DYNC1H1: variants seen among roughly 807,000 people sequenced by gnomAD.
DYNC1H1 encodes dynein cytoplasmic 1 heavy chain 1.
DYNC1H1 carries 51 observed loss-of-function variants against 527.1 expected under a neutral mutation model. The ratio of observed to expected loss-of-function variants is 0.10; its 90% CI spans 0.08 to 0.12. DYNC1H1 has a LOEUF of 0.12. Among genes scored for constraint, DYNC1H1 ranks in the 10% least tolerant of loss-of-function variants. DYNC1H1 has a pLI of 1.00. For missense variants in DYNC1H1, 2,771 were observed against 5,971.8 expected (o/e 0.46, Z 17.66); for synonymous variants, 2,189 against 2,278.8 (o/e 0.96, Z 1.12).
rs917082431 is a variant in DYNC1H1 at position 101,964,605 on chromosome 14, C to T, written c.-87C>T. On this transcript the variant is annotated 5_prime_UTR_variant, in exon 1 of 78. Coordinates refer to ENST00000360184, the MANE Select transcript of DYNC1H1 (RefSeq NM_001376.5). This position sits in a 1 kb window ranked among gnomAD's most constrained non-coding sequence, Gnocchi z 5.5. ...GGTGGGCTAGCGGACGGTCCGGCTT[C>T]CGGCGGCCGTTTCTGTCTCTTGCTG... The T allele has an allele frequency of 5.2e-5, 80 of 1,530,370 alleles. No homozygotes were observed. Among genetic ancestry groups the T allele is most frequent in the Middle Eastern group, 2.1e-4 (1 of 4,706 alleles). 94.8% of individuals were successfully genotyped at this position (1,530,370 alleles called of 1,614,324 possible).
At chr14:101,988,277 C>G (rs2047958352) in intron 9 of DYNC1H1, among the ~76,000 whole-genome samples, 1 of 152,168 alleles carries the variant, frequency 6.6e-6, no homozygotes, top group African/African-American at 2.4e-5. Flanking sequence ...ATGACCCTGC[C>G]ACTCCCCAAC....
At chr14:101,996,845 A>G (rs1407577892) in intron 15 of DYNC1H1, among the ~76,000 whole-genome samples, 190 bp from the exon 16 acceptor site, 1 of 151,378 alleles carries the variant, frequency 6.6e-6, no homozygotes, top group Non-Finnish European at 1.5e-5. Context: ...CTGGTCTTAA[A>G]CTCCTGGACT....
Position 101,983,680 on chromosome 14 carries a change from TTTGTTG to T in DYNC1H1, c.1461+81_1461+86del, listed in dbSNP as rs920712889. 1.3e-6 allele frequency: 2 copies of T among 1,517,154 alleles called. No homozygotes were observed. Among genetic ancestry groups the T allele is most frequent in the Non-Finnish European group, 1.8e-6 (2 of 1,118,710 alleles). The allele number at this position is 1,517,154 out of a possible 1,614,324, so 94.0% of individuals were successfully genotyped here. On this transcript the variant is annotated intron_variant, in intron 7 of 77. Coordinates refer to ENST00000360184, the MANE Select transcript of DYNC1H1 (RefSeq NM_001376.5). This position sits in a 1 kb window ranked among gnomAD's most constrained non-coding sequence, Gnocchi z 5.3. ...TTTGTTTTTTGTTTGGTGTTTTTTT[TTTGTTG>T]TTGTTGTTGAGATGAAGTTTCACTC...
intron 10 of DYNC1H1, among the ~76,000 whole-genome samples, chr14:101,990,628 A>G (rs1391819221): frequency 2.0e-5 from 3 of 152,208 alleles, no homozygotes; most frequent in Non-Finnish European, 1.5e-5. Context: ...TAATCCCAGC[A>G]CTTTGGGAGG....
rs573107732 is a variant in DYNC1H1, at chr14:101,974,705, A to G, written c.257-1007A>G. On this transcript the variant is annotated intron_variant, in intron 1 of 77. Transcript: ENST00000360184. The stretch of plus-strand genomic sequence containing the variant: ...GTAAGCTTTTTTAAACTTAAATTTT[A>G]TTATTAAAAAATTGAGACATGGTTT... Among the ~76,000 whole-genome samples, 7 of 152,228 alleles carry G rather than the reference A, an allele frequency of 4.6e-5. No homozygotes were observed. The South Asian group carries it at 6.2e-4, about 14-fold the overall frequency.
In DYNC1H1 at chr14:102,052,511, G is replaced by T. The variant is rs17513025; in HGVS notation, c.*1948G>T. 910 of 152,404 alleles carry T rather than the reference G, an allele frequency of 6.0e-3. 11 individuals are homozygous for T. Among genetic ancestry groups the T allele is most frequent in the African/African-American group, 0.021 (865 of 41,560 alleles). 9.4% of individuals were successfully genotyped at this position (152,404 alleles called of 1,614,324 possible). A position where few individuals can be genotyped will look rare whatever the true frequency, so the allele number is the denominator to read the frequency against. ...CCTCTTGGGCTGGGACCCCTTCCTGGACTGAGTCTGCTCACCTTGGATTAG... is the reference window on the plus strand; with the variant it reads ...CCTCTTGGGCTGGGACCCCTTCCTGTACTGAGTCTGCTCACCTTGGATTAG... On this transcript the variant is annotated 3_prime_UTR_variant, in exon 78 of 78. Transcript: ENST00000360184.
rs563050462 is a variant in DYNC1H1 at position 101,986,254 on chromosome 14, G to A, written c.2029G>A (p.Val677Met). 51 of 1,614,054 alleles carry A rather than the reference G, an allele frequency of 3.2e-5. No homozygotes were observed. The highest frequency in any genetic ancestry group is 2.9e-4 in the South Asian group (26 of 91,056). The change falls in exon 8 of 78, where the codon GTG becomes ATG. Residue 677 changes from valine (V) to methionine (M), a missense_variant. Around this residue, in one of 32 missense-constraint regions of DYNC1H1, gnomAD observed 264 missense variants for 619.4 expected, o/e 0.43. Coordinates refer to ENST00000360184, the MANE Select transcript of DYNC1H1 (RefSeq NM_001376.5). The surrounding 1 kb of genome is among the most constrained non-coding windows in gnomAD (Gnocchi z 8.7). ...CCTTGGCAAGGGCTGGGAGAATCAC[G>A]TGGAGGGGCAGAAGCTGAAGCAGGA... ...DVLGKGWENH[V>M]EGQKLKQDGD...
Position 102,020,401 on chromosome 14 carries a change from CAGGT to C in DYNC1H1, c.8507+346_8507+349del, listed in dbSNP as rs1274144338. Among the ~76,000 whole-genome samples, 1 of 152,088 alleles carries C rather than the reference CAGGT, an allele frequency of 6.6e-6. No homozygotes were observed. Among genetic ancestry groups the C allele is most frequent in the Non-Finnish European group, 1.5e-5 (1 of 68,024 alleles). ...CACTTTAATAAACCTTTTAAACTGTCAGGTGGGACCACAAAAGGTAGCAGCTGCC... is the reference window on the plus strand; with the variant it reads ...CACTTTAATAAACCTTTTAAACTGTCGGGACCACAAAAGGTAGCAGCTGCC... On this transcript the variant is annotated intron_variant, in intron 42 of 77. Transcript: ENST00000360184. This position sits in a 1 kb window ranked among gnomAD's most constrained non-coding sequence, Gnocchi z 4.3.
chr14:102,019,940 T>C lies in DYNC1H1; in HGVS notation c.8391T>C (p.Arg2797=), dbSNP rs2152584604. The C allele has an allele frequency of 6.2e-7, 1 of 1,614,140 alleles. No homozygotes were observed. Among genetic ancestry groups the C allele is most frequent in the Middle Eastern group, 1.6e-4 (1 of 6,062 alleles). ...DTQPHYIYSP[R]EMTRWVRGIF... ...AACCTCACTATATCTATTCACCCCG[T>C]GAAATGACTAGGTGGGTGAGAGGCA... Residue 2797 remains arginine (R), a synonymous_variant, in exon 42 of 78, where the codon CGT becomes CGC. Transcript: ENST00000360184.
rs113681629 is a variant in DYNC1H1, at chr14:102,050,925, C to T, written c.*362C>T. 5.9e-5 allele frequency: 21 copies of T among 357,604 alleles called. No homozygotes were observed. Among genetic ancestry groups the T allele is most frequent in the African/African-American group, 2.5e-4 (12 of 47,122 alleles). 22.2% of individuals were successfully genotyped at this position (357,604 alleles called of 1,614,324 possible). On this transcript the variant is annotated 3_prime_UTR_variant, in exon 78 of 78. Coordinates refer to ENST00000360184, the MANE Select transcript of DYNC1H1 (RefSeq NM_001376.5). The stretch of plus-strand genomic sequence containing the variant: ...CTTTCATCATGAGCTCGCTCCCGAG[C>T]GGCCACAGCACTCATGAATGAAGAC...
Position 102,023,965 on chromosome 14 carries a change from G to A in DYNC1H1, c.8637+1085G>A, listed in dbSNP as rs942138028. 3.9e-5 allele frequency among the ~76,000 whole-genome samples: 6 copies of A among 152,150 alleles called. No individual in the cohort carries two copies. In the South Asian group the frequency reaches 6.2e-4, roughly 16 times the overall value. On this transcript the variant is annotated intron_variant, in intron 43 of 77. Transcript: ENST00000360184. ...TAAAATGCACTATAAAATAGGCTGC[G>A]GTTACAGCAGTGATGTGCTACGGGT...
chr14:102,001,465 T>C lies in DYNC1H1; in HGVS notation c.4396-70T>C, dbSNP rs1595609149. On this transcript the variant is annotated intron_variant, in intron 20 of 77. Coordinates refer to ENST00000360184, the MANE Select transcript of DYNC1H1 (RefSeq NM_001376.5). This position sits in a 1 kb window ranked among gnomAD's most constrained non-coding sequence, Gnocchi z 5.0. ...TCTGTGGTCCTTTTGGTTCTTATAA[T>C]GCTGGGTCCCTTGTGCAGGTAGTGA... 1.9e-6 allele frequency: 3 copies of C among 1,613,720 alleles called. No individual in the cohort carries two copies. The highest frequency in any genetic ancestry group is 1.7e-5 in the Admixed American group (1 of 60,030).
chr14:101,990,662 C>T (rs1020562601), intron 10 of DYNC1H1, among the ~76,000 whole-genome samples: 2 of 151,984 alleles, frequency 1.3e-5, no homozygotes, highest in African/African-American at 4.8e-5. Context: ...ATCGCTTGAG[C>T]TCTGAAGTTT....
chr14:102,016,799 G>A lies in DYNC1H1; in HGVS notation c.7648G>A (p.Ala2550Thr). 1 of 1,613,874 alleles carries A rather than the reference G, an allele frequency of 6.2e-7. No homozygotes were observed. Among genetic ancestry groups the A allele is most frequent in the Non-Finnish European group, 8.5e-7 (1 of 1,180,006 alleles). ...CAGCGGAGAATGGTCTCCGTGGCAG[G>A]CCAAGGTGCCTCAGATTGAAGTGGA... ...SISGEWSPWQ[A>T]KVPQIEVETH... Residue 2550 changes from alanine to threonine, a missense_variant, in exon 38 of 78, where the codon GCC becomes ACC. Physicochemically the swap from Ala to Thr is moderately conservative, Grantham distance 58. This residue lies in a region of DYNC1H1 where 71 missense variants were observed against 143.6 expected (regional missense o/e 0.49). Transcript: ENST00000360184. The surrounding 1 kb of genome is among the most constrained non-coding windows in gnomAD (Gnocchi z 7.3).
At chr14:101,991,778 T>C in intron 11 of DYNC1H1, 105 bp downstream of exon 11, 1 of 1,514,942 alleles carries the variant, frequency 6.6e-7, no homozygotes, top group Non-Finnish European at 9.1e-7. Context: ...TTGATGTTGT[T>C]TACAAACTCC....
chr14:102,038,181 G>A lies in DYNC1H1; in HGVS notation c.10909-279G>A, dbSNP rs2048599872. 1 of 449,972 alleles carries A rather than the reference G, an allele frequency of 2.2e-6. No homozygotes were observed. The highest frequency in any genetic ancestry group is 4.1e-6 in the Non-Finnish European group (1 of 241,514). The allele number at this position is 449,972 out of a possible 1,614,324, so 27.9% of individuals were successfully genotyped here. On this transcript the variant is annotated intron_variant, in intron 57 of 77. Transcript: ENST00000360184. This position sits in a 1 kb window ranked among gnomAD's most constrained non-coding sequence, Gnocchi z 7.2. ...TTTAGTAGAGATGGAGTTTCACCAT[G>A]TTGGCCAGTCTGGTCTCGAACTCCT...
At chr14:101,977,756 G>A (rs1378430381) in intron 2 of DYNC1H1, among the ~76,000 whole-genome samples, 1 of 152,182 alleles carries the variant, frequency 6.6e-6, no homozygotes, top group Admixed American at 6.5e-5. Flanking sequence ...TAGCTTCATG[G>A]AACTGTTGGG....
intron 73 of DYNC1H1, 147 bp from the exon 74 acceptor site, chr14:102,048,369 A>G (rs2048756338): frequency 8.8e-7 from 1 of 1,139,116 alleles, no homozygotes; most frequent in Non-Finnish European, 1.3e-6. Flanking sequence ...GCTCGGTTCC[A>G]AGTCACGCTC....
At position 101,965,135 on chromosome 14, in the gene DYNC1H1, C is replaced by G. The variant is rs1013636555; in HGVS notation, c.256+188C>G. On this transcript the variant is annotated intron_variant, in intron 1 of 77. Coordinates refer to ENST00000360184, the MANE Select transcript of DYNC1H1 (RefSeq NM_001376.5). This position sits in a 1 kb window ranked among gnomAD's most constrained non-coding sequence, Gnocchi z 4.1. ...CGGGTCCCCAGGGCCGCAGACGCCC[C>G]GCAGAGGCCGGCGCGGCGCCCGGGG... Among the ~76,000 whole-genome samples, 4 of 151,790 alleles carry G rather than the reference C, an allele frequency of 2.6e-5. No individual in the cohort carries two copies. The highest frequency in any genetic ancestry group is 1.3e-4 in the Admixed American group (2 of 15,238).
Sources: gnomAD v4.1 joint callset for allele counts (sites outside exome capture counted in the v4.1 genomes callset) on GRCh38, gnomAD v4.1.1 for gene constraint, gnomAD v4.1.1 regional missense constraint, Gnocchi (gnomAD v3.1) non-coding constraint, MANE v1.5 for transcripts, NCBI Gene and HGNC (gene_info 2026-07-23, HGNC 2026-07-21) for gene names.